GRIA4: variants seen among roughly 807,000 people sequenced by gnomAD.
GRIA4 encodes the protein glutamate ionotropic receptor AMPA type subunit 4, also known as glutamate receptor 4.
GRIA4 carries 34 observed loss-of-function variants against 104.0 expected under a neutral mutation model. That is an observed-to-expected ratio of 0.33 (90% CI 0.25 to 0.44). GRIA4 has a LOEUF of 0.44. Ranked by LOEUF, GRIA4 falls within the 20% of genes least tolerant of loss-of-function variation. GRIA4 has a pLI of 1.00. For synonymous variants in GRIA4, 386 were observed against 381.9 expected, an observed-to-expected ratio of 1.01 and a Z score of -0.13; for missense variants, 750 against 1,096.5, an observed-to-expected ratio of 0.68 and a Z score of 4.46.
intron 14 of GRIA4, 66 bp from the exon 15 acceptor site, chr11:105,971,848 T>C: frequency 9.7e-7 from 1 of 1,035,918 alleles, no homozygotes; most frequent in Non-Finnish European, 1.5e-6. Flanking sequence ...GCGATTCTAA[T>C]GTAGTTTTAC....
intron 4 of GRIA4, among the ~76,000 whole-genome samples, chr11:105,783,768 G>GTA (rs1303515086): frequency 6.6e-6 from 1 of 151,242 alleles, no homozygotes; most frequent in African/African-American, 2.4e-5. Flanking sequence ...GTGTGTGTGT[G>GTA]TGTGTGTGTG....
intron 3 of GRIA4, among the ~76,000 whole-genome samples, chr11:105,657,962 T>C (rs1951893032): frequency 6.6e-6 from 1 of 151,848 alleles, no homozygotes; most frequent in South Asian, 2.1e-4. Context: ...TAAAATTTTA[T>C]ATTTTATTAT....
intron 3 of GRIA4, among the ~76,000 whole-genome samples, chr11:105,659,271 T>C (rs1018441868): frequency 1.3e-5 from 2 of 151,992 alleles, no homozygotes; most frequent in African/African-American, 4.8e-5. Flanking sequence ...TACTTACTTA[T>C]GAAGACTCTC....
intron 4 of GRIA4, among the ~76,000 whole-genome samples, chr11:105,806,954 A>AT (rs1410687519): frequency 2.0e-5 from 3 of 151,878 alleles, no homozygotes; most frequent in Non-Finnish European, 4.4e-5. Context: ...GACAAAGGAA[A>AT]TATAGAAGTG....
chr11:105,812,191 T>C (rs929267863), intron 4 of GRIA4, among the ~76,000 whole-genome samples: 20 of 152,168 alleles, frequency 1.3e-4, no homozygotes, highest in African/African-American at 4.8e-4. Flanking sequence ...GAGCCAGCAT[T>C]CCTTTGTTTT....
rs1859257805 is a variant in GRIA4, at chr11:105,981,688, A to G, written c.*1949A>G. 1.3e-5 allele frequency: 2 copies of G among 151,966 alleles called. No individual in the cohort carries two copies. The highest frequency in any genetic ancestry group is 6.6e-5 in the Admixed American group (1 of 15,184). 9.4% of individuals were successfully genotyped at this position (151,966 alleles called of 1,614,324 possible). ...TTCTTCCAGGACTTCTCTCACTTCT[A>G]TCCAGCTATTCCCGTCAGCAAATGA... On this transcript the variant is annotated 3_prime_UTR_variant, in exon 17 of 17. Coordinates refer to ENST00000282499, the MANE Select transcript of GRIA4 (RefSeq NM_000829.4).
intron 5 of GRIA4, among the ~76,000 whole-genome samples, chr11:105,874,877 C>A (rs1945757742): frequency 6.6e-6 from 1 of 152,146 alleles, no homozygotes; most frequent in African/African-American, 2.4e-5. Flanking sequence ...AATTTAACTT[C>A]CTCTATTCCT....
intron 5 of GRIA4, among the ~76,000 whole-genome samples, chr11:105,879,822 G>A (rs935097268): frequency 6.6e-6 from 1 of 151,994 alleles, no homozygotes; most frequent in Non-Finnish European, 1.5e-5. Flanking sequence ...ATTCTCACAG[G>A]TATATATTTT....
At chr11:105,848,566 C>A (rs180852365) in intron 4 of GRIA4, among the ~76,000 whole-genome samples, 9 of 152,170 alleles carry the variant, frequency 5.9e-5, no homozygotes, top group African/African-American at 1.9e-4. Context: ...AAAATTAATA[C>A]CTATGCATTT....
rs560702340 is a variant in GRIA4 at position 105,868,993 on chromosome 11, T to C, written c.672+6785T>C. On this transcript the variant is annotated intron_variant, in intron 5 of 16. Transcript: ENST00000282499. ...GCAAGTCCTATTATGATGCACTAGGTTTGTTGTTTTCATGGAAAACAGAAA... is the reference window on the plus strand; with the variant it reads ...GCAAGTCCTATTATGATGCACTAGGCTTGTTGTTTTCATGGAAAACAGAAA... Among the ~76,000 whole-genome samples, 72 of 152,232 alleles carry C rather than the reference T, an allele frequency of 4.7e-4. 2 individuals carry two copies. In the South Asian group the frequency reaches 0.015, roughly 31 times the overall value.
At chr11:105,967,374 T>C (rs916202295) in intron 14 of GRIA4, among the ~76,000 whole-genome samples, 1 of 152,164 alleles carries the variant, frequency 6.6e-6, no homozygotes, top group Non-Finnish European at 1.5e-5. Flanking sequence ...TGAAATGAAC[T>C]GGACAACTCA....
intron 3 of GRIA4, among the ~76,000 whole-genome samples, chr11:105,644,678 A>G (rs1271641457): frequency 6.6e-6 from 1 of 152,166 alleles, no homozygotes; most frequent in Non-Finnish European, 1.5e-5. Context: ...TTGTATTTGA[A>G]TAGTTGAAAA....
intron 4 of GRIA4, among the ~76,000 whole-genome samples, chr11:105,809,546 T>C (rs773576673): frequency 2.0e-5 from 3 of 152,074 alleles, no homozygotes; most frequent in Admixed American, 6.6e-5. Flanking sequence ...AGGGAGATGA[T>C]TGGATCATGG....
In GRIA4 at chr11:105,723,187, A is replaced by C. The variant is rs538623781; in HGVS notation, c.248-29794A>C. Among the ~76,000 whole-genome samples the C allele has an allele frequency of 2.0e-5, 3 of 152,246 alleles. 1 individual carries two copies. The highest frequency in any genetic ancestry group is 7.2e-5 in the African/African-American group (3 of 41,566). ...TCAATGAGAAAGGAAATGCTGGAAA[A>C]GTACTTGACATTTAAATGTCAATTT... On this transcript the variant is annotated intron_variant, in intron 3 of 16. Coordinates refer to ENST00000282499, the MANE Select transcript of GRIA4 (RefSeq NM_000829.4).
At chr11:105,880,773 C>A (rs1012354966) in intron 5 of GRIA4, among the ~76,000 whole-genome samples, 37 of 152,062 alleles carry the variant, frequency 2.4e-4, no homozygotes, top group African/African-American at 8.2e-4. Context: ...CCTTTTTCAA[C>A]AGTTTAGATA....
chr11:105,978,776 G>A (rs1043595470), intron 16 of GRIA4, among the ~76,000 whole-genome samples: 1 of 152,142 alleles, frequency 6.6e-6, no homozygotes, highest in Non-Finnish European at 1.5e-5. Context: ...GACAGTGAAT[G>A]AACAGTAATG....
At chr11:105,936,060 T>C (rs1948026021) in intron 14 of GRIA4, among the ~76,000 whole-genome samples, 1 of 152,186 alleles carries the variant, frequency 6.6e-6, no homozygotes. Flanking sequence ...AGTCATTTTG[T>C]CCTGCCTTTG....
chr11:105,635,259 C>G (rs1951173962), intron 3 of GRIA4, among the ~76,000 whole-genome samples: 1 of 151,810 alleles, frequency 6.6e-6, no homozygotes, highest in Non-Finnish European at 1.5e-5. Flanking sequence ...AATTAACTGC[C>G]TAAGAGTAAA....
At chr11:105,956,560 A>G (rs111958679) in intron 14 of GRIA4, among the ~76,000 whole-genome samples, 5 of 152,348 alleles carry the variant, frequency 3.3e-5, no homozygotes, top group African/African-American at 1.2e-4. Context: ...TAGTGCCACA[A>G]TAAACATACA....
Sources: allele counts gnomAD v4.1 joint callset (sites outside exome capture counted in the v4.1 genomes callset), GRCh38; gene constraint gnomAD v4.1.1; transcripts MANE v1.5; gene names NCBI Gene and HGNC (gene_info 2026-07-23, HGNC 2026-07-21).